The following GTF3C3 variants were observed in gnomAD, a reference collection of about 807,000 sequenced individuals.
GTF3C3 encodes general transcription factor 3C polypeptide 3.
Under a neutral mutation model 105.2 loss-of-function variants are expected in GTF3C3, and 75 were observed. That is an observed-to-expected ratio of 0.71 (90% confidence interval 0.59 to 0.86). The LOEUF (loss-of-function observed/expected upper bound fraction) is 0.86, where lower values mean the gene tolerates loss of function less well. GTF3C3 is among the 40% of genes least tolerant of loss of function. The pLI, the probability that GTF3C3 is intolerant of heterozygous loss-of-function variation, is 0.00. For missense variants in GTF3C3, 856 were observed against 1,076.5 expected, an observed-to-expected ratio of 0.80 and a Z score of 2.87; for synonymous variants, 335 against 370.4, an observed-to-expected ratio of 0.90 and a Z score of 1.10.
At chr2:196,777,878 A>G (rs1699284575) in intron 10 of GTF3C3, 1 of 152,248 alleles carries the variant, frequency 6.6e-6, no homozygotes, top group Admixed American at 6.5e-5. Flanking sequence ...AGCAGTTTCA[A>G]TATCACAGCC....
intron 3 of GTF3C3, among the ~76,000 whole-genome samples, chr2:196,792,683 G>A (rs1396408404): frequency 6.6e-6 from 1 of 151,982 alleles, no homozygotes; most frequent in Non-Finnish European, 1.5e-5. Context: ...TGACACCTAG[G>A]CTGAAGTGCT....
intron 8 of GTF3C3, among the ~76,000 whole-genome samples, chr2:196,781,465 T>C (rs1435138164): frequency 1.4e-5 from 2 of 147,644 alleles, no homozygotes; most frequent in African/African-American, 4.9e-5. Flanking sequence ...ATTATTAGGT[T>C]GGTGCAGAAG....
At chr2:196,789,853 T>TG (rs1450704820) in intron 5 of GTF3C3, 26 bp downstream of exon 5, 4 of 1,207,612 alleles carry the variant, frequency 3.3e-6, no homozygotes, top group Non-Finnish European at 4.7e-6. Context: ...CTTGTAAAAG[T>TG]GAAAAAAAAA....
In GTF3C3 at chr2:196,764,349, A is replaced by C; in HGVS notation, c.*214T>G. ...GGGAACAATTCACTATAGAATGTGA[A>C]AGGAAAATGACAGACCAATATACAA... is the stretch of plus-strand genomic sequence containing the variant. On this transcript the variant is annotated 3_prime_UTR_variant, in exon 18 of 18. Coordinates refer to ENST00000263956, the MANE Select transcript of GTF3C3 (RefSeq NM_012086.5). 1 of 414,416 alleles carries C rather than the reference A, an allele frequency of 2.4e-6. No individual in the cohort carries two copies. Among genetic ancestry groups the C allele is most frequent in the South Asian group, 5.3e-5 (1 of 18,874 alleles). 25.7% of individuals were successfully genotyped at this position (414,416 alleles called of 1,614,324 possible).
At position 196,781,357 on chromosome 2, in the gene GTF3C3, AATATATAT is replaced by A. The variant is rs1553578901; in HGVS notation, c.1115-703_1115-696del. ...ATGTTAAGGGGAAAAAAAAAAAAAAAATATATATATATATATATATATATATATATAAA... is the reference window on the plus strand; with the variant it reads ...ATGTTAAGGGGAAAAAAAAAAAAAAAATATATATATATATATATATATAAA... On this transcript the variant is annotated intron_variant, in intron 8 of 17. Coordinates refer to ENST00000263956, the MANE Select transcript of GTF3C3 (RefSeq NM_012086.5). 5.4e-3 allele frequency among the ~76,000 whole-genome samples: 101 copies of A among 18,826 alleles called. 2 individuals are homozygous for A. The highest frequency in any genetic ancestry group is 6.2e-3 in the Non-Finnish European group (42 of 6,728). 12.4% of individuals were successfully genotyped at this position (18,826 alleles called of 152,430 possible).
At chr2:196,768,950 C>A (rs190773089) in intron 16 of GTF3C3, among the ~76,000 whole-genome samples, 2 of 152,230 alleles carry the variant, frequency 1.3e-5, no homozygotes, top group Admixed American at 1.3e-4. Context: ...CGATTCCTGG[C>A]ACACAATGAG....
At chr2:196,792,421 G>A (rs1459874680) in intron 3 of GTF3C3, among the ~76,000 whole-genome samples, 2 of 152,002 alleles carry the variant, frequency 1.3e-5, no homozygotes, top group African/African-American at 2.4e-5. Context: ...TCAGCCTCCC[G>A]AACTGCTGCC....
intron 10 of GTF3C3, among the ~76,000 whole-genome samples, chr2:196,777,292 A>G (rs990497711): frequency 3.3e-5 from 5 of 151,866 alleles, no homozygotes; most frequent in Non-Finnish European, 1.5e-5. Flanking sequence ...CATTTTTGTT[A>G]CCTGCCAGGC....
At chr2:196,799,231 T>G in intron 1 of GTF3C3, 1 of 341,624 alleles carries the variant, frequency 2.9e-6, no homozygotes, top group South Asian at 3.9e-5. Flanking sequence ...CACCTCCCAT[T>G]TAACTTACCA....
chr2:196,767,299 T>C (rs1238915087), intron 16 of GTF3C3, among the ~76,000 whole-genome samples: 1 of 152,190 alleles, frequency 6.6e-6, no homozygotes, highest in African/African-American at 2.4e-5. Context: ...TGACGCTGGC[T>C]CCCTGTGGGT....
chr2:196,773,066 G>A lies in GTF3C3; in HGVS notation c.1919C>T (p.Ser640Phe), dbSNP rs779634647. Reference sequence around the variant, plus strand: ...AAGCAACTCAGCCTCTTGAAATCGGGATAGGTCACATAAGGAGTATATGGC... The same window carrying A: ...AAGCAACTCAGCCTCTTGAAATCGGAATAGGTCACATAAGGAGTATATGGC... ...LKAIYSLCDL[S>F]RFQEAELLVD... The change falls in exon 14 of 18, where the codon TCC becomes TTC. Residue 640 changes from serine to phenylalanine, a missense_variant. This residue lies in a region of GTF3C3 where 605 missense variants were observed against 833.6 expected (regional missense o/e 0.73). Transcript: ENST00000263956. The A allele has an allele frequency of 1.9e-6, 3 of 1,613,030 alleles. No homozygotes were observed. In the East Asian group the frequency reaches 6.7e-5, roughly 36 times the overall value.
At chr2:196,768,165 A>G (rs28594128) in intron 16 of GTF3C3, among the ~76,000 whole-genome samples, 1,568 of 152,122 alleles carry the variant, frequency 0.01, 20 homozygotes, top group African/African-American at 0.032. Flanking sequence ...TTACAGGCAC[A>G]CGCCACCACA....
In GTF3C3 at chr2:196,792,815, C is replaced by T. The variant is rs1699574278; in HGVS notation, c.411+141G>A. 20 of 652,726 alleles carry T rather than the reference C, an allele frequency of 3.1e-5. 1 individual carries two copies. In the South Asian group the frequency reaches 3.6e-4, roughly 12 times the overall value. The allele number at this position is 652,726 out of a possible 1,614,324, so 40.4% of individuals were successfully genotyped here. ...TACATAAACATTATCTAATAGGAAA[C>T]ATAATAAACAAATAACAATAGTTGT... On this transcript the variant is annotated intron_variant, in intron 3 of 17. Transcript: ENST00000263956.
Position 196,776,657 on chromosome 2 carries a change from G to A in GTF3C3, c.1391-28C>T, listed in dbSNP as rs1699263276. 3 of 1,503,550 alleles carry A rather than the reference G, an allele frequency of 2.0e-6. No individual in the cohort carries two copies. In the South Asian group the frequency reaches 3.4e-5, roughly 17 times the overall value. The allele number at this position is 1,503,550 out of a possible 1,614,324, so 93.1% of individuals were successfully genotyped here. A position where few individuals can be genotyped will look rare whatever the true frequency, so the allele number is the denominator to read the frequency against. On this transcript the variant is annotated intron_variant, in intron 10 of 17. Coordinates refer to ENST00000263956, the MANE Select transcript of GTF3C3 (RefSeq NM_012086.5). This position sits in a 1 kb window ranked among gnomAD's most constrained non-coding sequence, Gnocchi z 4.5. ...AAGATGATGTTAAAATAAAGCAAAA[G>A]TATGAACTACAGATTTGTAAACTGG...
rs960347111 is a variant in GTF3C3 at position 196,763,083 on chromosome 2, A to G, written c.*1480T>C. On this transcript the variant is annotated 3_prime_UTR_variant, in exon 18 of 18. Coordinates refer to ENST00000263956, the MANE Select transcript of GTF3C3 (RefSeq NM_012086.5). ...CTCTAGATACAAAGTGGTGATGACA[A>G]TATCAATAATAACTACCTTGCAGTT... 6.6e-6 allele frequency: 1 copy of G among 152,216 alleles called. No homozygotes were observed. Among genetic ancestry groups the G allele is most frequent in the Non-Finnish European group, 1.5e-5 (1 of 68,046 alleles). The allele number at this position is 152,216 out of a possible 1,614,324, so 9.4% of individuals were successfully genotyped here.
rs1168577693 is a variant in GTF3C3 at position 196,776,915 on chromosome 2, TAATC to T, written c.1391-290_1391-287del. Among the ~76,000 whole-genome samples, 2 of 152,208 alleles carry T rather than the reference TAATC, an allele frequency of 1.3e-5. No homozygotes were observed. Among genetic ancestry groups the T allele is most frequent in the African/African-American group, 4.8e-5 (2 of 41,442 alleles). On this transcript the variant is annotated intron_variant, in intron 10 of 17. Transcript: ENST00000263956. This position sits in a 1 kb window ranked among gnomAD's most constrained non-coding sequence, Gnocchi z 4.5. Reference sequence around the variant, plus strand: ...TTCATTGGCATTTTGAATGGTTACATAATCAAACTGATTATGTAATTATATCATT... The same window carrying T: ...TTCATTGGCATTTTGAATGGTTACATAAACTGATTATGTAATTATATCATT...
chr2:196,785,629 C>T, intron 6 of GTF3C3, 41 bp from the exon 7 acceptor site: 1 of 1,291,084 alleles, frequency 7.7e-7, no homozygotes, highest in Non-Finnish European at 1.1e-6. Flanking sequence ...TTACTTAATT[C>T]CAATTATAAA....
chr2:196,785,250 A>G (rs1362433228), intron 7 of GTF3C3, among the ~76,000 whole-genome samples, 191 bp downstream of exon 7: 4 of 152,196 alleles, frequency 2.6e-5, no homozygotes, highest in Admixed American at 6.6e-5. Context: ...GACAATGGCA[A>G]TATTTTTTAT....
chr2:196,781,912 C>T (rs1036383168), intron 8 of GTF3C3, among the ~76,000 whole-genome samples: 1 of 152,182 alleles, frequency 6.6e-6, no homozygotes, highest in Non-Finnish European at 1.5e-5. Context: ...CTAAAGTCAC[C>T]TGTCTGAGTA....
Sources: gnomAD v4.1 joint callset for allele counts (sites outside exome capture counted in the v4.1 genomes callset) on GRCh38, gnomAD v4.1.1 for gene constraint, gnomAD v4.1.1 regional missense constraint, Gnocchi (gnomAD v3.1) non-coding constraint, MANE v1.5 for transcripts, NCBI Gene and HGNC (gene_info 2026-07-23, HGNC 2026-07-21) for gene names.